Variants in GPR173 observed in about 807,000 individuals in gnomAD.
The protein encoded by GPR173 is G protein-coupled receptor 173, also known as probable G protein-coupled receptor 173.
In GPR173, 2 loss-of-function variants were observed where a neutral mutation model predicts 13.9. The observed-to-expected ratio is 0.14, with a 90% CI of 0.06 to 0.45. The LOEUF (loss-of-function observed/expected upper bound fraction) is 0.45, where lower values mean the gene tolerates loss of function less well. Among genes scored for constraint, GPR173 ranks in the 20% least tolerant of loss-of-function variants. The probability of loss-of-function intolerance (pLI) is 0.98; values close to 1 mark genes in which losing one functional copy is unlikely to be tolerated. For missense variants in GPR173, 202 were observed against 340.5 expected (o/e 0.59, Z 3.20); for synonymous variants, 131 against 141.0 (o/e 0.93, Z 0.50).
At chrX:53,067,575 C>T (rs1556804322) in intron 1 of GPR173, among the ~76,000 whole-genome samples, 1 of 112,066 alleles carries the variant, frequency 8.9e-6, no homozygotes, top group African/African-American at 3.2e-5. Context: ...CCTGTAATCC[C>T]AGCACTTTGG....
chrX:53,062,572 C>CTTTTTTT (rs1165015535), intron 1 of GPR173, among the ~76,000 whole-genome samples: 4 of 41,012 alleles, frequency 9.8e-5, no homozygotes, highest in Non-Finnish European at 1.2e-4. Context: ...TTGTCTTCTT[C>CTTTTTTT]TTTTTTTTTT....
intron 1 of GPR173, among the ~76,000 whole-genome samples, chrX:53,059,024 C>T (rs984276935): frequency 1.3e-4 from 14 of 107,723 alleles, no homozygotes; most frequent in African/African-American, 1.4e-4. Context: ...CCGAGGCGGG[C>T]GGATCACGAG....
intron 1 of GPR173, among the ~76,000 whole-genome samples, chrX:53,053,738 C>A (rs928251399): frequency 1.8e-5 from 2 of 112,587 alleles, no homozygotes; most frequent in Non-Finnish European, 3.8e-5. Flanking sequence ...TGGTGCCCTG[C>A]GAGACTATGT....
At position 53,077,134 on chromosome X, in the gene GPR173, G is replaced by A. The variant is rs1303979226; in HGVS notation, c.513G>A (p.Glu171=). 2 of 1,209,005 alleles carry A rather than the reference G, an allele frequency of 1.7e-6. No individual in the cohort carries two copies. The highest frequency in any genetic ancestry group is 2.2e-6 in the Non-Finnish European group (2 of 893,984). Residue 171 remains glutamate (E), a synonymous_variant, in exon 2 of 2, where the codon GAG becomes GAA. Transcript: ENST00000332582. Reference sequence around the variant, plus strand: ...GCACCTACAAGTTTATTCGGGAGGAGGACCAGTGCATCTTTGAGCATCGCT... The same window carrying A: ...GCACCTACAAGTTTATTCGGGAGGAAGACCAGTGCATCTTTGAGCATCGCT... ...DVGTYKFIRE[E]DQCIFEHRYF... is the part of the protein sequence containing the mutation.
At chrX:53,068,952 CTTTTT>C (rs144589965) in intron 1 of GPR173, among the ~76,000 whole-genome samples, 128 of 64,911 alleles carry the variant, frequency 2.0e-3, no homozygotes, top group African/African-American at 0.01. Flanking sequence ...GACCTTGTCT[CTTTTT>C]TTTTTTTTTT....
intron 1 of GPR173, among the ~76,000 whole-genome samples, chrX:53,053,231 T>G (rs782550753): frequency 8.8e-6 from 1 of 113,000 alleles, no homozygotes; most frequent in East Asian, 2.8e-4. Flanking sequence ...ATATCTATAC[T>G]TCATGTCATT....
At chrX:53,059,871 C>G (rs1378308889) in intron 1 of GPR173, among the ~76,000 whole-genome samples, 5 of 106,336 alleles carry the variant, frequency 4.7e-5, no homozygotes, top group African/African-American at 1.7e-4. Flanking sequence ...TGCCTGTAGT[C>G]CCAGCGACTT....
chrX:53,075,463 A>G lies in GPR173; in HGVS notation c.-97-1062A>G, dbSNP rs782093185. On this transcript the variant is annotated intron_variant, in intron 1 of 1. Coordinates refer to ENST00000332582, the MANE Select transcript of GPR173 (RefSeq NM_018969.6). ...TTGTTATCTAGAATGTCGGTTCCACAAGGGCCGGGATCTTTATCTGTGTAG... is the reference window on the plus strand; with the variant it reads ...TTGTTATCTAGAATGTCGGTTCCACGAGGGCCGGGATCTTTATCTGTGTAG... 4.8e-5 allele frequency among the ~76,000 whole-genome samples: 5 copies of G among 103,690 alleles called. No homozygotes were observed. In the South Asian group the frequency reaches 2.3e-3, roughly 47 times the overall value. The allele number at this position is 103,690 out of a possible 115,157, so 90.0% of individuals were successfully genotyped here.
At chrX:53,074,260 TTATTCATATATAAA>T (rs1932362358) in intron 1 of GPR173, among the ~76,000 whole-genome samples, 1 of 62,602 alleles carries the variant, frequency 1.6e-5, no homozygotes, top group African/African-American at 9.1e-5. Context: ...ACATTTATAT[TTATTCATATATAAA>T]TATACATTTA....
At chrX:53,073,139 C>G (rs1220140255) in intron 1 of GPR173, among the ~76,000 whole-genome samples, 1 of 108,301 alleles carries the variant, frequency 9.2e-6, no homozygotes, top group Non-Finnish European at 1.9e-5. Context: ...GCACAAGAAT[C>G]ACTTGAATCC....
intron 1 of GPR173, among the ~76,000 whole-genome samples, chrX:53,073,358 T>TCCCAG (rs1183921086): frequency 9.1e-6 from 1 of 110,238 alleles, no homozygotes; most frequent in Non-Finnish European, 1.9e-5. Context: ...CACCCCCTAA[T>TCCCAG]CCCAGCCCAG....
intron 1 of GPR173, among the ~76,000 whole-genome samples, chrX:53,053,870 T>C (rs1199601077): frequency 8.9e-6 from 1 of 112,396 alleles, no homozygotes; most frequent in Non-Finnish European, 1.9e-5. Flanking sequence ...GGTCTCAGGA[T>C]AATTCCTGTC....
chrX:53,057,464 C>G (rs1399601479), intron 1 of GPR173, among the ~76,000 whole-genome samples: 2 of 102,297 alleles, frequency 2.0e-5, no homozygotes, highest in African/African-American at 7.2e-5. Flanking sequence ...AGTGGCTGGG[C>G]ATGGTGGCTC....
chrX:53,062,732 G>A (rs1271047439), intron 1 of GPR173, among the ~76,000 whole-genome samples: 1 of 108,922 alleles, frequency 9.2e-6, no homozygotes, highest in Non-Finnish European at 1.9e-5. Context: ...TTGTAGAGAT[G>A]GGATTTGGCC....
intron 1 of GPR173, among the ~76,000 whole-genome samples, chrX:53,074,157 G>GTAAATATACATGTATATTTATTCATATAT (rs1932352982): frequency 4.8e-5 from 1 of 20,996 alleles, no homozygotes; most frequent in Non-Finnish European, 6.7e-5. Context: ...TATTCATATA[G>GTAAATATACATGTATATTTATTCATATAT]AAATATATAT....
chrX:53,077,724 A>G lies in GPR173; in HGVS notation c.1103A>G (p.Glu368Gly), dbSNP rs782697206. 4.1e-6 allele frequency: 5 copies of G among 1,206,890 alleles called. No homozygotes were observed. The highest frequency in any genetic ancestry group is 3.4e-6 in the Non-Finnish European group (3 of 893,333). The change falls in exon 2 of 2, where the codon GAA becomes GGA. Residue 368 changes from glutamate to glycine, a missense_variant. Around this residue, in one of 3 missense-constraint regions of GPR173, gnomAD observed 76 missense variants for 116.3 expected, o/e 0.65. Transcript: ENST00000332582. ...WGTGGAPAPR[E>G]PYCVM ...ACAGGAGGTGCCCCGGCTCCCAGAG[A>G]ACCCTACTGTGTCATGTGAAGCAGG...
chrX:53,073,037 G>T (rs2146681994), intron 1 of GPR173, among the ~76,000 whole-genome samples: 1 of 110,805 alleles, frequency 9.0e-6, no homozygotes, highest in East Asian at 2.8e-4. Flanking sequence ...AGCCTGGCTA[G>T]CATCACAAAA....
Position 53,076,601 on chromosome X carries a change from C to T in GPR173, c.-21C>T. ...GGACTGGCTGACCCCCTAGGGTTGG[C>T]AGTAGCCCCTGACCCTCAGTATGGC... On this transcript the variant is annotated 5_prime_UTR_variant, in exon 2 of 2. Transcript: ENST00000332582. 1 of 1,162,688 alleles carries T rather than the reference C, an allele frequency of 8.6e-7. No individual in the cohort carries two copies. The highest frequency in any genetic ancestry group is 2.0e-5 in the South Asian group (1 of 50,092).
chrX:53,075,719 T>G (rs1028996394), intron 1 of GPR173, among the ~76,000 whole-genome samples: 4 of 110,422 alleles, frequency 3.6e-5, no homozygotes, highest in African/African-American at 1.3e-4. Context: ...TCTCCCTTGC[T>G]CTCACCGTTC....
Sources: gnomAD v4.1 joint callset for allele counts (sites outside exome capture counted in the v4.1 genomes callset) on GRCh38, gnomAD v4.1.1 for gene constraint, gnomAD v4.1.1 regional missense constraint, MANE v1.5 for transcripts, NCBI Gene and HGNC (gene_info 2026-07-23, HGNC 2026-07-21) for gene names.